PALLD: variants seen among roughly 807,000 people sequenced by gnomAD.
The protein encoded by PALLD is palladin.
Under a neutral mutation model 123.5 loss-of-function variants are expected in PALLD, and 61 were observed. That is an observed-to-expected ratio of 0.49 (90% confidence interval 0.40 to 0.61). The LOEUF is 0.61. Ranked by LOEUF, PALLD falls within the 20% of genes least tolerant of loss-of-function variation. The probability of loss-of-function intolerance (pLI) is 0.00; values close to 1 mark genes in which losing one functional copy is unlikely to be tolerated. For missense variants in PALLD, 1,273 were observed against 1,377.0 expected (o/e 0.92, Z 1.20); for synonymous variants, 465 against 496.4 (o/e 0.94, Z 0.84).
At chr4:168,690,578 T>A (rs1782525810) in intron 6 of PALLD, 25 bp from the exon 7 acceptor site, 1 of 1,613,888 alleles carries the variant, frequency 6.2e-7, no homozygotes, top group African/African-American at 1.3e-5. Flanking sequence ...TGATGGGGTT[T>A]TCCTTGAATT....
intron 2 of PALLD, among the ~76,000 whole-genome samples, chr4:168,581,647 T>C (rs1371456263): frequency 1.3e-5 from 2 of 152,096 alleles, no homozygotes; most frequent in Admixed American, 6.6e-5. Context: ...AAGTTTCTTA[T>C]ATATACGGAT....
At chr4:168,610,330 C>T (rs931582956) in intron 2 of PALLD, among the ~76,000 whole-genome samples, 3 of 152,134 alleles carry the variant, frequency 2.0e-5, no homozygotes, top group East Asian at 1.9e-4. Flanking sequence ...GGGCCTCCAT[C>T]GGTCCCCTTC....
chr4:168,911,334 T>G (rs1758902635), intron 15 of PALLD, among the ~76,000 whole-genome samples: 1 of 152,226 alleles, frequency 6.6e-6, no homozygotes, highest in South Asian at 2.1e-4. Flanking sequence ...TCTAACCGCA[T>G]AAATGATTAG....
chr4:168,865,972 C>A (rs904254779), intron 10 of PALLD, among the ~76,000 whole-genome samples: 1 of 151,982 alleles, frequency 6.6e-6, no homozygotes, highest in African/African-American at 2.4e-5. Flanking sequence ...AAAGGGCTGT[C>A]GGTGATTTAA....
At chr4:168,660,914 C>CT (rs1292904976) in intron 2 of PALLD, among the ~76,000 whole-genome samples, 3 of 146,158 alleles carry the variant, frequency 2.1e-5, no homozygotes, top group Admixed American at 1.4e-4. Flanking sequence ...TTTTTTTTTC[C>CT]TTTTTTTTGA....
intron 2 of PALLD, among the ~76,000 whole-genome samples, chr4:168,539,834 CAG>C (rs1765441834): frequency 6.6e-6 from 1 of 151,898 alleles, no homozygotes; most frequent in African/African-American, 2.4e-5. Flanking sequence ...CTTTTAGATT[CAG>C]GGGGTACACG....
chr4:168,724,668 C>T (rs769599402), intron 10 of PALLD, among the ~76,000 whole-genome samples: 5 of 150,966 alleles, frequency 3.3e-5, no homozygotes, highest in South Asian at 2.1e-4. Context: ...GGATAAATCA[C>T]GTCAATTTGA....
intron 10 of PALLD, among the ~76,000 whole-genome samples, chr4:168,714,994 CA>C (rs1785207856): frequency 6.6e-6 from 1 of 152,120 alleles, no homozygotes; most frequent in Non-Finnish European, 1.5e-5. Flanking sequence ...GCCCAGCCCC[CA>C]CCCTGTACTG....
chr4:168,749,901 A>T (rs1581262779), intron 10 of PALLD, among the ~76,000 whole-genome samples: 1 of 131,894 alleles, frequency 7.6e-6, no homozygotes, highest in Non-Finnish European at 1.6e-5. Context: ...AGACCCCAGC[A>T]TCTGTTGTTG....
intron 15 of PALLD, 40 bp downstream of exon 15, chr4:168,903,946 G>T: frequency 6.4e-7 from 1 of 1,560,688 alleles, no homozygotes; most frequent in Non-Finnish European, 8.8e-7. Context: ...TCTGTGTCTA[G>T]TGCTTACAGG....
intron 5 of PALLD, 82 bp from the exon 6 acceptor site, chr4:168,685,401 TCC>T: frequency 1.2e-6 from 1 of 852,208 alleles, no homozygotes; most frequent in Non-Finnish European, 2.0e-6. Flanking sequence ...AAGTGGGTGA[TCC>T]CCATAATGAA....
rs530624995 is a variant in PALLD at position 168,805,006 on chromosome 4, A to C, written c.1965-85916A>C. ...AAACCCCATCTCTACTAAAAATACA[A>C]AAATTAGCTGGGCTTGGTGTCAGGT... is the stretch of plus-strand genomic sequence containing the variant. On this transcript the variant is annotated intron_variant, in intron 10 of 21. Transcript: ENST00000505667. Among the ~76,000 whole-genome samples, 9 of 152,244 alleles carry C rather than the reference A, an allele frequency of 5.9e-5. No homozygotes were observed. The South Asian group carries it at 8.3e-4, about 14-fold the overall frequency.
rs1752036879 is a variant in PALLD at position 168,878,080 on chromosome 4, C to T, written c.1965-12842C>T. ...CCCCGACGCCGAGGCAGTTCGGCCG[C>T]GCCCCCGTGCCGCCCTTCGCGCAGC... is the stretch of plus-strand genomic sequence containing the variant. On this transcript the variant is annotated intron_variant, in intron 10 of 21. Coordinates refer to ENST00000505667, the MANE Select transcript of PALLD (RefSeq NM_001166108.2). 2 of 1,446,392 alleles carry T rather than the reference C, an allele frequency of 1.4e-6. No homozygotes were observed. Among genetic ancestry groups the T allele is most frequent in the Non-Finnish European group, 1.8e-6 (2 of 1,108,274 alleles). 89.6% of individuals were successfully genotyped at this position (1,446,392 alleles called of 1,614,324 possible).
intron 2 of PALLD, among the ~76,000 whole-genome samples, chr4:168,535,217 A>G (rs1006062374): frequency 6.6e-6 from 1 of 152,196 alleles, no homozygotes; most frequent in Non-Finnish European, 1.5e-5. Flanking sequence ...ATAGATACTG[A>G]GGAATGACTA....
At chr4:168,725,772 C>T (rs1013717811) in intron 10 of PALLD, among the ~76,000 whole-genome samples, 19 of 152,120 alleles carry the variant, frequency 1.2e-4, no homozygotes, top group African/African-American at 2.6e-4. Context: ...ATGATCCGCC[C>T]GCCTCGGCCT....
chr4:168,743,555 G>T (rs1017148557), intron 10 of PALLD, among the ~76,000 whole-genome samples: 1 of 152,086 alleles, frequency 6.6e-6, no homozygotes, highest in Non-Finnish European at 1.5e-5. Context: ...TGATGGGTTT[G>T]TTCAATTCCT....
intron 1 of PALLD, among the ~76,000 whole-genome samples, chr4:168,499,261 A>AGGGAGGGAGGAT (rs200945386): frequency 1.8e-4 from 13 of 73,254 alleles, no homozygotes; most frequent in East Asian, 7.6e-4. Context: ...GGAGGGAGGA[A>AGGGAGGGAGGAT]GGGAGGGAGG....
At chr4:168,626,526 G>T (rs899268482) in intron 2 of PALLD, among the ~76,000 whole-genome samples, 2 of 151,506 alleles carry the variant, frequency 1.3e-5, no homozygotes, top group Non-Finnish European at 2.9e-5. Context: ...CCTGGGAAAC[G>T]TGGCGAAACC....
rs950480850 is a variant in PALLD, at chr4:168,915,917, A to G, written c.2740A>G (p.Ser914Gly). Reference protein sequence around the residue: ...VRRPRSRSRDSGDENEPIQER... With the variant: ...VRRPRSRSRDGGDENEPIQER... ...AAGGCCTCGTTCTAGATCAAGGGAC[A>G]GTGGAGACGAAAATGAACCAATTCA... is the stretch of plus-strand genomic sequence containing the variant. The change falls in exon 17 of 22, where the codon AGT becomes GGT. Residue 914 changes from serine (S) to glycine (G), a missense_variant. Around this residue, in one of 2 missense-constraint regions of PALLD, gnomAD observed 329 missense variants for 422.5 expected, o/e 0.78. Transcript: ENST00000505667. 1.2e-6 allele frequency: 2 copies of G among 1,613,128 alleles called. No homozygotes were observed. Among genetic ancestry groups the G allele is most frequent in the African/African-American group, 2.7e-5 (2 of 74,914 alleles).
Sources: gnomAD v4.1 joint callset for allele counts (sites outside exome capture counted in the v4.1 genomes callset) on GRCh38, gnomAD v4.1.1 for gene constraint, gnomAD v4.1.1 regional missense constraint, MANE v1.5 for transcripts, NCBI Gene and HGNC (gene_info 2026-07-23, HGNC 2026-07-21) for gene names.